Variants in LRRTM4 observed in about 807,000 individuals in gnomAD.
LRRTM4 encodes the protein leucine-rich repeat transmembrane neuronal protein 4.
LRRTM4 carries 25 observed loss-of-function variants against 47.6 expected under a neutral mutation model. The observed-to-expected ratio is 0.53, with a 90% CI of 0.38 to 0.73. The LOEUF is 0.73. LRRTM4 is among the 30% of genes least tolerant of loss of function. The pLI is 0.00. For missense variants in LRRTM4, 638 were observed against 713.4 expected (o/e 0.89, Z 1.20); for synonymous variants, 311 against 269.5 (o/e 1.15, Z -1.51).
At chr2:77,507,986 CT>C (rs1678844673) in intron 3 of LRRTM4, among the ~76,000 whole-genome samples, 1 of 152,226 alleles carries the variant, frequency 6.6e-6, no homozygotes, top group African/African-American at 2.4e-5. Flanking sequence ...TAAATTCATA[CT>C]TGATCTGCAT....
intron 3 of LRRTM4, among the ~76,000 whole-genome samples, chr2:77,043,932 C>T (rs929225005): frequency 6.6e-6 from 1 of 151,274 alleles, no homozygotes; most frequent in Non-Finnish European, 1.5e-5. Flanking sequence ...TACCCACATA[C>T]TAGAATAGCA....
At chr2:76,806,555 T>G (rs181523391) in intron 3 of LRRTM4, among the ~76,000 whole-genome samples, 49 of 152,090 alleles carry the variant, frequency 3.2e-4, no homozygotes, top group Admixed American at 2.7e-3. Context: ...CACTCCAGCC[T>G]GGACAACAAG....
chr2:76,968,955 C>G (rs991835718), intron 3 of LRRTM4, among the ~76,000 whole-genome samples: 15 of 151,842 alleles, frequency 9.9e-5, no homozygotes, highest in Admixed American at 4.6e-4. Context: ...ACCTTGCAGT[C>G]ATTTGGTCTT....
chr2:77,007,085 A>C (rs1677681666), intron 3 of LRRTM4, among the ~76,000 whole-genome samples: 1 of 152,102 alleles, frequency 6.6e-6, no homozygotes, highest in Non-Finnish European at 1.5e-5. Context: ...ATTAAATTTT[A>C]ACTTGGGCAA....
At chr2:77,086,168 C>G (rs1415457230) in intron 3 of LRRTM4, among the ~76,000 whole-genome samples, 1 of 152,132 alleles carries the variant, frequency 6.6e-6, no homozygotes, top group Non-Finnish European at 1.5e-5. Context: ...AGCCACTGTT[C>G]TACACACTTA....
At chr2:76,826,108 G>C (rs1161114994) in intron 3 of LRRTM4, among the ~76,000 whole-genome samples, 2 of 151,564 alleles carry the variant, frequency 1.3e-5, no homozygotes, top group Admixed American at 1.3e-4. Context: ...TTGTATATGA[G>C]CGAGTATTTT....
chr2:77,333,712 C>A (rs554418459), intron 3 of LRRTM4, among the ~76,000 whole-genome samples: 1 of 152,296 alleles, frequency 6.6e-6, no homozygotes, highest in South Asian at 2.1e-4. Context: ...TAGGGCAGTT[C>A]AAAAGGGAAA....
chr2:77,233,968 T>C (rs1675037831), intron 3 of LRRTM4, among the ~76,000 whole-genome samples: 1 of 152,102 alleles, frequency 6.6e-6, no homozygotes, highest in South Asian at 2.1e-4. Flanking sequence ...CCGCAAATTT[T>C]TGCATTTTTG....
chr2:76,769,384 C>T (rs926443121), intron 3 of LRRTM4, among the ~76,000 whole-genome samples: 2 of 152,060 alleles, frequency 1.3e-5, no homozygotes, highest in Non-Finnish European at 2.9e-5. Flanking sequence ...TTAAGGCCTG[C>T]TTTTGCCTTA....
rs148346018 is a variant in LRRTM4, at chr2:77,113,005, A to G, written c.1552-364089T>C. 4.7e-3 allele frequency among the ~76,000 whole-genome samples: 721 copies of G among 152,290 alleles called. 1 individual carries two copies. Among genetic ancestry groups the G allele is most frequent in the African/African-American group, 0.015 (642 of 41,570 alleles). ...TGTAATTTAGCTAAAAAATCAGGGT[A>G]TAATTCATTGTGACCTTGTTTAACA... is the stretch of plus-strand genomic sequence containing the variant. On this transcript the variant is annotated intron_variant, in intron 3 of 3. Transcript: ENST00000409884.
intron 3 of LRRTM4, among the ~76,000 whole-genome samples, chr2:77,050,873 T>C (rs1679408450): frequency 6.6e-6 from 1 of 152,298 alleles, no homozygotes; most frequent in African/African-American, 2.4e-5. Flanking sequence ...TCAGATATTA[T>C]TCATCAGTAC....
In LRRTM4 at chr2:77,271,555, A is replaced by G. The variant is rs150343868; in HGVS notation, c.1551+246763T>C. On this transcript the variant is annotated intron_variant, in intron 3 of 3. Transcript: ENST00000409884. ...AAGTAGAGGGGGCACCCCTGCTGTG[A>G]GTCTAGCAGAGGGGCCAAGAAAAGT... Among the ~76,000 whole-genome samples, 548 of 152,264 alleles carry G rather than the reference A, an allele frequency of 3.6e-3. 4 individuals are homozygous for G. The highest frequency in any genetic ancestry group is 0.012 in the African/African-American group (515 of 41,568).
intron 3 of LRRTM4, among the ~76,000 whole-genome samples, chr2:77,077,155 G>T (rs1452026486): frequency 1.3e-5 from 2 of 152,124 alleles, no homozygotes; most frequent in Non-Finnish European, 2.9e-5. Flanking sequence ...GTAGAATAAA[G>T]GATAACTATA....
intron 3 of LRRTM4, among the ~76,000 whole-genome samples, chr2:76,949,254 A>T: frequency 6.6e-6 from 1 of 152,052 alleles, no homozygotes; most frequent in East Asian, 1.9e-4. Flanking sequence ...ATGAGTTCAA[A>T]TAAATGAATA....
rs180814969 is a variant in LRRTM4, at chr2:77,067,779, A to G, written c.1552-318863T>C. 2.6e-3 allele frequency among the ~76,000 whole-genome samples: 398 copies of G among 152,098 alleles called. 6 individuals carry two copies. The highest frequency in any genetic ancestry group is 8.3e-3 in the African/African-American group (344 of 41,498). ...CAGGAGCAACAACAATCCAATGTATACTAATTTCTGAGCCCAAAGGTAGCC... is the reference window on the plus strand; with the variant it reads ...CAGGAGCAACAACAATCCAATGTATGCTAATTTCTGAGCCCAAAGGTAGCC... On this transcript the variant is annotated intron_variant, in intron 3 of 3. Coordinates refer to ENST00000409884, the MANE Select transcript of LRRTM4 (RefSeq NM_001134745.3).
intron 3 of LRRTM4, among the ~76,000 whole-genome samples, chr2:77,456,831 T>C (rs1299748471): frequency 2.6e-5 from 4 of 151,434 alleles, no homozygotes; most frequent in Non-Finnish European, 5.9e-5. Context: ...TACTTTCTTC[T>C]CTAATTTTCT....
intron 3 of LRRTM4, among the ~76,000 whole-genome samples, chr2:77,215,692 G>A (rs531877555): frequency 1.3e-5 from 2 of 152,022 alleles, no homozygotes; most frequent in Non-Finnish European, 2.9e-5. Context: ...TCATAGTAGG[G>A]ACGTGCTTCA....
At chr2:76,765,534 C>A (rs1008845814) in intron 3 of LRRTM4, among the ~76,000 whole-genome samples, 40 of 152,222 alleles carry the variant, frequency 2.6e-4, no homozygotes, top group African/African-American at 9.6e-4. Flanking sequence ...GAAAACTGAT[C>A]CACTAGAATT....
chr2:77,139,928 G>A (rs1397824942), intron 3 of LRRTM4, among the ~76,000 whole-genome samples: 2 of 152,072 alleles, frequency 1.3e-5, no homozygotes, highest in East Asian at 3.9e-4. Flanking sequence ...GGATGTGAAG[G>A]ACCTCTTCAA....
Sources: allele counts gnomAD v4.1 joint callset (sites outside exome capture counted in the v4.1 genomes callset), GRCh38; gene constraint gnomAD v4.1.1; transcripts MANE v1.5; gene names NCBI Gene and HGNC (gene_info 2026-07-23, HGNC 2026-07-21).